Variants in SYN3 observed in about 807,000 individuals in gnomAD.
SYN3 encodes the protein synapsin III.
Under a neutral mutation model 65.8 loss-of-function variants are expected in SYN3, and 35 were observed. That is an observed-to-expected ratio of 0.53 (90% confidence interval 0.41 to 0.70). The LOEUF (loss-of-function observed/expected upper bound fraction) is 0.70. Ranked by LOEUF, SYN3 falls within the 30% of genes least tolerant of loss-of-function variation. SYN3 has a pLI of 0.00. For synonymous variants in SYN3, 270 were observed against 292.9 expected (o/e 0.92, Z 0.80); for missense variants, 680 against 749.0 (o/e 0.91, Z 1.08).
chr22:32,534,143 CAGAG>C (rs2146189971), intron 9 of SYN3, among the ~76,000 whole-genome samples: 1 of 152,048 alleles, frequency 6.6e-6, no homozygotes, highest in African/African-American at 2.4e-5. Context: ...GAGAGAGACC[CAGAG>C]AAAGAACACG....
At chr22:32,550,427 G>T (rs945704647) in intron 7 of SYN3, among the ~76,000 whole-genome samples, 1 of 146,654 alleles carries the variant, frequency 6.8e-6, no homozygotes, top group Non-Finnish European at 1.5e-5. Context: ...ATATCCAAAA[G>T]ATTTTTTAAA....
chr22:32,641,629 A>T (rs1353520066), intron 6 of SYN3, among the ~76,000 whole-genome samples: 2 of 150,338 alleles, frequency 1.3e-5, no homozygotes, highest in African/African-American at 4.9e-5. Flanking sequence ...AAAAAAAAAA[A>T]ATTGCCTAGG....
chr22:32,738,256 C>T (rs2061359330), intron 6 of SYN3, among the ~76,000 whole-genome samples: 1 of 152,140 alleles, frequency 6.6e-6, no homozygotes, highest in South Asian at 2.1e-4. Flanking sequence ...AGGCAGGATT[C>T]TCAGCCCTAA....
chr22:32,737,689 T>C (rs2061352245), intron 6 of SYN3, among the ~76,000 whole-genome samples: 1 of 152,236 alleles, frequency 6.6e-6, no homozygotes, highest in African/African-American at 2.4e-5. Context: ...GAGCTATATC[T>C]ATTCCTGTCC....
At chr22:32,564,758 C>T (rs1451182249) in intron 7 of SYN3, among the ~76,000 whole-genome samples, 1 of 124,180 alleles carries the variant, frequency 8.1e-6, no homozygotes, top group Non-Finnish European at 1.6e-5. Flanking sequence ...GCACCCAGTG[C>T]TCCCGCATTG....
At chr22:32,899,109 A>AACAAAACAAT (rs2049685553) in intron 4 of SYN3, among the ~76,000 whole-genome samples, 1 of 151,922 alleles carries the variant, frequency 6.6e-6, no homozygotes, top group Non-Finnish European at 1.5e-5. Context: ...TCAAAAACAA[A>AACAAAACAAT]ACAAAACAAA....
At chr22:32,735,664 G>A (rs1363478884) in intron 6 of SYN3, among the ~76,000 whole-genome samples, 1 of 152,172 alleles carries the variant, frequency 6.6e-6, no homozygotes, top group Non-Finnish European at 1.5e-5. Context: ...ATCACCATCA[G>A]CTGACTGCCC....
At position 32,801,541 on chromosome 22, in the gene SYN3, G is replaced by A. The variant is rs1233935771; in HGVS notation, c.711+63374C>T. ...CTATAAGGATCTGAACGATCCGGGG[G>A]CGGCCCCGCCCCGTTACCCCTTGCC... On this transcript the variant is annotated intron_variant, in intron 6 of 13. Transcript: ENST00000358763. The surrounding 1 kb of genome is among the most constrained non-coding windows in gnomAD (Gnocchi z 4.7). Among the ~76,000 whole-genome samples the A allele has an allele frequency of 1.3e-5, 2 of 152,312 alleles. No individual in the cohort carries two copies. The highest frequency in any genetic ancestry group is 2.4e-5 in the African/African-American group (1 of 41,596).
At chr22:32,593,921 A>G (rs2059161391) in intron 7 of SYN3, among the ~76,000 whole-genome samples, 1 of 152,128 alleles carries the variant, frequency 6.6e-6, no homozygotes, top group Non-Finnish European at 1.5e-5. Context: ...AGAGGAGGAA[A>G]GCCAGGAGAG....
intron 12 of SYN3, among the ~76,000 whole-genome samples, chr22:32,520,469 A>T (rs1259809632): frequency 6.6e-6 from 1 of 152,118 alleles, no homozygotes; most frequent in Non-Finnish European, 1.5e-5. Context: ...ACCCAGATAT[A>T]TTGTGACTTG....
At chr22:32,636,128 G>A (rs546791851) in intron 6 of SYN3, among the ~76,000 whole-genome samples, 1 of 152,282 alleles carries the variant, frequency 6.6e-6, no homozygotes, top group Non-Finnish European at 1.5e-5. Context: ...ACGGCCGGGC[G>A]TGGTGGCTCA....
chr22:32,887,761 G>C (rs895766423), intron 4 of SYN3, among the ~76,000 whole-genome samples: 1 of 152,178 alleles, frequency 6.6e-6, no homozygotes, highest in African/African-American at 2.4e-5. Flanking sequence ...GAGTTGACAG[G>C]CATTTGGGTT....
intron 4 of SYN3, among the ~76,000 whole-genome samples, chr22:32,901,474 A>G (rs1351090852): frequency 2.0e-5 from 3 of 152,276 alleles, no homozygotes; most frequent in South Asian, 2.1e-4. Context: ...CCCAAGTCCA[A>G]TTCCTTATCT....
chr22:33,053,956 C>T (rs1601972082), intron 1 of SYN3, among the ~76,000 whole-genome samples: 1 of 152,158 alleles, frequency 6.6e-6, no homozygotes, highest in East Asian at 1.9e-4. Flanking sequence ...AATGGCATCA[C>T]ACTGAGATGG....
At chr22:32,807,737 T>C (rs1056169526) in intron 6 of SYN3, among the ~76,000 whole-genome samples, 2 of 151,376 alleles carry the variant, frequency 1.3e-5, no homozygotes, top group Non-Finnish European at 2.9e-5. Context: ...GGTCACATTA[T>C]ACCATATCAT....
At chr22:33,046,495 G>A (rs906969736) in intron 1 of SYN3, among the ~76,000 whole-genome samples, 9 of 151,976 alleles carry the variant, frequency 5.9e-5, no homozygotes, top group East Asian at 3.9e-4. Context: ...CGAGGCAGGC[G>A]GATCACAAGG....
chr22:32,890,352 G>C (rs1362812474), intron 4 of SYN3, among the ~76,000 whole-genome samples: 1 of 151,998 alleles, frequency 6.6e-6, no homozygotes, highest in Non-Finnish European at 1.5e-5. Flanking sequence ...TGGGGTTACA[G>C]GTTTGAGCCA....
At chr22:33,019,670 G>C (rs2053528872) in intron 1 of SYN3, among the ~76,000 whole-genome samples, 1 of 152,118 alleles carries the variant, frequency 6.6e-6, no homozygotes, top group African/African-American at 2.4e-5. Context: ...TTTTGCTTTT[G>C]TTTTTGAGAC....
intron 1 of SYN3, among the ~76,000 whole-genome samples, chr22:33,036,344 T>A (rs1464532103): frequency 1.3e-5 from 2 of 152,184 alleles, no homozygotes; most frequent in African/African-American, 2.4e-5. Context: ...TATACCACTT[T>A]GGCATAAGGA....
Sources: gnomAD v4.1 joint callset for allele counts (sites outside exome capture counted in the v4.1 genomes callset) on GRCh38, gnomAD v4.1.1 for gene constraint, Gnocchi (gnomAD v3.1) non-coding constraint, MANE v1.5 for transcripts, NCBI Gene and HGNC (gene_info 2026-07-23, HGNC 2026-07-21) for gene names.